Variants in SDK1 observed in about 807,000 individuals in gnomAD.
SDK1 encodes protein sidekick-1.
In SDK1, 157 loss-of-function variants were observed where a neutral mutation model predicts 245.5. The ratio of observed to expected loss-of-function variants is 0.64; its 90% CI spans 0.56 to 0.73. The LOEUF (loss-of-function observed/expected upper bound fraction) is 0.73, where lower values mean the gene tolerates loss of function less well. Ranked by LOEUF, SDK1 falls within the 30% of genes least tolerant of loss-of-function variation. SDK1 has a pLI of 0.00. For synonymous variants in SDK1, 1,647 were observed against 1,278.5 expected (o/e 1.29, Z -6.15); for missense variants, 3,583 against 3,002.3 (o/e 1.19, Z -4.52).
chr7:4,132,320 T>A lies in SDK1; in HGVS notation c.4130-5T>A. On this transcript the variant is annotated splice_polypyrimidine_tract_variant and splice_region_variant and intron_variant, in intron 27 of 44. Coordinates refer to ENST00000404826, the MANE Select transcript of SDK1 (RefSeq NM_152744.4). ...GATCTGAATCCCTGTGGTTTTTCCC[T>A]TCAGCCCCAGGCCCACCAGTGAGGC... is the stretch of plus-strand genomic sequence containing the variant. 6.2e-7 allele frequency: 1 copy of A among 1,606,304 alleles called. No homozygotes were observed. The highest frequency in any genetic ancestry group is 8.5e-7 in the Non-Finnish European group (1 of 1,174,100).
Position 3,740,878 on chromosome 7 carries a change from T to G in SDK1, c.714-80572T>G, listed in dbSNP as rs10266546. Among the ~76,000 whole-genome samples the G allele has an allele frequency of 8.8e-3, 1,337 of 152,342 alleles. 20 individuals carry two copies. Among genetic ancestry groups the G allele is most frequent in the African/African-American group, 0.031 (1,287 of 41,578 alleles). ...AGATGATTTTCAGAGACTTTTATTC[T>G]GCCATTCCTGAGGTCCTTCTTTTCT... On this transcript the variant is annotated intron_variant, in intron 4 of 44. Coordinates refer to ENST00000404826, the MANE Select transcript of SDK1 (RefSeq NM_152744.4).
chr7:3,938,659 A>AAAAAAAAAAAAAAAAAAG (rs1554284813), intron 5 of SDK1, among the ~76,000 whole-genome samples: 10 of 150,952 alleles, frequency 6.6e-5, no homozygotes, highest in African/African-American at 2.5e-4. Context: ...AAAAAAAAAA[A>AAAAAAAAAAAAAAAAAAG]AGAGATCCTC....
At chr7:4,077,673 G>A (rs1294486015) in intron 21 of SDK1, among the ~76,000 whole-genome samples, 1 of 152,170 alleles carries the variant, frequency 6.6e-6, no homozygotes, top group East Asian at 1.9e-4. Flanking sequence ...TTACATGGAT[G>A]GCAGCAGGCA....
At chr7:3,515,346 G>C (rs1487153663) in intron 1 of SDK1, among the ~76,000 whole-genome samples, 1 of 152,144 alleles carries the variant, frequency 6.6e-6, no homozygotes, top group African/African-American at 2.4e-5. Context: ...AGGCTGACCA[G>C]CAAGACTTGG....
intron 14 of SDK1, among the ~76,000 whole-genome samples, chr7:4,005,911 G>A (rs907944295): frequency 3.9e-5 from 6 of 151,970 alleles, no homozygotes; most frequent in Admixed American, 6.6e-5. Flanking sequence ...CACACCTGTG[G>A]TCCCAGCCTG....
At chr7:4,221,670 G>C (rs778330193) in intron 40 of SDK1, among the ~76,000 whole-genome samples, 5 of 152,116 alleles carry the variant, frequency 3.3e-5, no homozygotes, top group Non-Finnish European at 7.3e-5. Context: ...ACACTAAAAG[G>C]CATTTTCAAA....
chr7:4,000,608 C>T lies in SDK1; in HGVS notation c.2132-10358C>T, dbSNP rs753660473. Among the ~76,000 whole-genome samples the T allele has an allele frequency of 8.9e-4, 135 of 152,316 alleles. 1 individual carries two copies. The highest frequency in any genetic ancestry group is 1.5e-3 in the Non-Finnish European group (102 of 68,036). On this transcript the variant is annotated intron_variant, in intron 14 of 44. Coordinates refer to ENST00000404826, the MANE Select transcript of SDK1 (RefSeq NM_152744.4). ...CATGAAAGCTGCTCCTGGCTGTCACCGCACAATCTGTTCAACATCTCCATC... is the reference window on the plus strand; with the variant it reads ...CATGAAAGCTGCTCCTGGCTGTCACTGCACAATCTGTTCAACATCTCCATC...
At chr7:3,966,139 G>A (rs936097633) in intron 9 of SDK1, among the ~76,000 whole-genome samples, 1 of 152,074 alleles carries the variant, frequency 6.6e-6, no homozygotes, top group Non-Finnish European at 1.5e-5. Flanking sequence ...GTTGAGACCT[G>A]TTAGGGGGCC....
At chr7:3,947,832 A>G (rs924173100) in intron 5 of SDK1, among the ~76,000 whole-genome samples, 6 of 152,118 alleles carry the variant, frequency 3.9e-5, no homozygotes, top group Non-Finnish European at 5.9e-5. Context: ...AAAATTGGCT[A>G]AAAACAAGAC....
At chr7:3,474,459 C>T (rs1371562789) in intron 1 of SDK1, among the ~76,000 whole-genome samples, 1 of 152,032 alleles carries the variant, frequency 6.6e-6, no homozygotes, top group Non-Finnish European at 1.5e-5. Flanking sequence ...CAGTATCTCA[C>T]CACTCAGTCT....
At chr7:3,996,026 T>C (rs1784673774) in intron 14 of SDK1, among the ~76,000 whole-genome samples, 1 of 152,172 alleles carries the variant, frequency 6.6e-6, no homozygotes, top group African/African-American at 2.4e-5. Context: ...GTTTTTGCCT[T>C]GTTTATAAAG....
chr7:4,249,086 G>T (rs1007547626), intron 44 of SDK1, among the ~76,000 whole-genome samples: 12 of 152,248 alleles, frequency 7.9e-5, no homozygotes, highest in Non-Finnish European at 4.4e-5. Flanking sequence ...GCCTCAGGGA[G>T]GGAGGTGAGT....
intron 1 of SDK1, among the ~76,000 whole-genome samples, chr7:3,579,647 C>T (rs1371510944): frequency 6.6e-6 from 1 of 152,142 alleles, no homozygotes; most frequent in Non-Finnish European, 1.5e-5. Flanking sequence ...CAATCCTATT[C>T]AAGATAGTGT....
intron 14 of SDK1, 42 bp from the exon 15 acceptor site, chr7:4,010,924 G>A: frequency 1.2e-6 from 2 of 1,607,534 alleles, no homozygotes; most frequent in Non-Finnish European, 1.7e-6. Flanking sequence ...ATTCAGACAT[G>A]ATAAGCCTGT....
chr7:4,089,148 C>T (rs1047526326), intron 22 of SDK1, among the ~76,000 whole-genome samples: 1 of 151,340 alleles, frequency 6.6e-6, no homozygotes, highest in East Asian at 2.0e-4. Flanking sequence ...TGAGACCCTC[C>T]TTCAGGTGGA....
At chr7:4,022,231 C>T (rs78748650) in intron 17 of SDK1, among the ~76,000 whole-genome samples, 22,505 of 152,166 alleles carry the variant, frequency 0.15, 1,802 homozygotes, top group East Asian at 0.24. Flanking sequence ...AAAGAGAATT[C>T]GACAGCATGT....
chr7:3,839,981 G>A (rs1391145732), intron 5 of SDK1, among the ~76,000 whole-genome samples: 1 of 152,212 alleles, frequency 6.6e-6, no homozygotes, highest in Non-Finnish European at 1.5e-5. Context: ...AAAATTTGCA[G>A]TTGTTAAAAA....
chr7:3,817,858 C>A (rs1007634711), intron 4 of SDK1, among the ~76,000 whole-genome samples: 1 of 152,216 alleles, frequency 6.6e-6, no homozygotes, highest in African/African-American at 2.4e-5. Flanking sequence ...TGGCCAGAAG[C>A]ACTTAGCGAG....
chr7:3,637,132 C>G (rs1782484773), intron 2 of SDK1, among the ~76,000 whole-genome samples: 1 of 151,886 alleles, frequency 6.6e-6, no homozygotes, highest in Non-Finnish European at 1.5e-5. Context: ...GTGTCTTGCT[C>G]TGTCACCCAG....
Sources: gnomAD v4.1 joint callset for allele counts (sites outside exome capture counted in the v4.1 genomes callset) on GRCh38, gnomAD v4.1.1 for gene constraint, MANE v1.5 for transcripts, NCBI Gene and HGNC (gene_info 2026-07-23, HGNC 2026-07-21) for gene names.